RXRA: variants seen among roughly 807,000 people sequenced by gnomAD.
RXRA encodes the protein retinoic acid receptor RXR-alpha.
A neutral mutation model predicts 44.5 loss-of-function variants in RXRA; 5 were observed. The ratio of observed to expected loss-of-function variants is 0.11; its 90% CI spans 0.06 to 0.24. The LOEUF (loss-of-function observed/expected upper bound fraction) is 0.24. Ranked by LOEUF, RXRA falls within the 10% of genes least tolerant of loss-of-function variation. RXRA has a pLI of 1.00. For missense variants in RXRA, 412 were observed against 646.5 expected (o/e 0.64, Z 3.93); for synonymous variants, 291 against 271.4 (o/e 1.07, Z -0.71).
At chr9:134,388,282 AGTGT>A (rs766270667) in intron 1 of RXRA, among the ~76,000 whole-genome samples, 3 of 17,874 alleles carry the variant, frequency 1.7e-4, no homozygotes. Context: ...AGCTAGAAGC[AGTGT>A]GTGTGTGAGT....
At chr9:134,434,967 C>T (rs1831593606) in intron 9 of RXRA, among the ~76,000 whole-genome samples, 1 of 152,212 alleles carries the variant, frequency 6.6e-6, no homozygotes, top group Non-Finnish European at 1.5e-5. Context: ...GCCTGCCCAG[C>T]CCTCATCTGG....
intron 1 of RXRA, among the ~76,000 whole-genome samples, chr9:134,396,764 C>T (rs1052581902): frequency 6.6e-6 from 1 of 152,234 alleles, no homozygotes; most frequent in East Asian, 1.9e-4. Context: ...CGCTGGGCTT[C>T]CTGGGGCGCC....
chr9:134,389,067 G>A lies in RXRA; in HGVS notation c.29-12565G>A, dbSNP rs961577063. 5.3e-5 allele frequency among the ~76,000 whole-genome samples: 8 copies of A among 152,328 alleles called. No individual in the cohort carries two copies. In the East Asian group the frequency reaches 1.5e-3, roughly 29 times the overall value. On this transcript the variant is annotated intron_variant, in intron 1 of 9. Coordinates refer to ENST00000481739, the MANE Select transcript of RXRA (RefSeq NM_002957.6). ...CTGCCAAGCTCTGGTCCTCCAAGGA[G>A]GGGTTTGGTCTCCTGGGTCCTCCTC...
At chr9:134,338,021 C>G (rs1409158015) in intron 1 of RXRA, among the ~76,000 whole-genome samples, 4 of 152,208 alleles carry the variant, frequency 2.6e-5, no homozygotes, top group Admixed American at 2.6e-4. Flanking sequence ...ACAGGCAGGT[C>G]CTTGCCCTCG....
At position 134,380,307 on chromosome 9, in the gene RXRA, C is replaced by T. The variant is rs569421818; in HGVS notation, c.29-21325C>T. 4.8e-5 allele frequency: 28 copies of T among 588,260 alleles called. No individual in the cohort carries two copies. In the African/African-American group the frequency reaches 5.4e-4, roughly 11 times the overall value. The allele number at this position is 588,260 out of a possible 1,614,324, so 36.4% of individuals were successfully genotyped here. ...TGAGGCTGGCCTGCCCGTGGCTTGG[C>T]CTGGGGGCAGGGGTAGGGTGGGGTC... On this transcript the variant is annotated intron_variant, in intron 1 of 9. Transcript: ENST00000481739.
chr9:134,380,756 C>T (rs1442860004), intron 1 of RXRA, among the ~76,000 whole-genome samples: 1 of 152,088 alleles, frequency 6.6e-6, no homozygotes, highest in East Asian at 1.9e-4. Context: ...TTCCAGTTCC[C>T]CGGCACCTGG....
intron 4 of RXRA, 22 bp downstream of exon 4, chr9:134,409,141 G>A (rs1831106120): frequency 2.6e-6 from 4 of 1,523,752 alleles, no homozygotes; most frequent in East Asian, 2.4e-5. Context: ...CGTCGGGTGG[G>A]GGCGCGGGCA....
chr9:134,422,709 A>G (rs1054724366), intron 6 of RXRA: 59 of 984,776 alleles, frequency 6.0e-5, no homozygotes, highest in Non-Finnish European at 6.5e-5. Context: ...CCTCCTATGT[A>G]CTCTATGGGA....
intron 1 of RXRA, among the ~76,000 whole-genome samples, chr9:134,364,435 C>A (rs1830389685): frequency 6.6e-6 from 1 of 152,226 alleles, no homozygotes; most frequent in South Asian, 2.1e-4. Context: ...TCTTTGGGAA[C>A]AATGTCAACA....
At chr9:134,369,130 T>TTG (rs140522363) in intron 1 of RXRA, among the ~76,000 whole-genome samples, 4,049 of 21,830 alleles carry the variant, frequency 0.19, 626 homozygotes, top group African/African-American at 0.23. Context: ...AGTGCAGGGG[T>TTG]TGTGTGTGGG....
At chr9:134,387,374 C>T (rs918124928) in intron 1 of RXRA, among the ~76,000 whole-genome samples, 3 of 152,232 alleles carry the variant, frequency 2.0e-5, no homozygotes, top group Non-Finnish European at 4.4e-5. Flanking sequence ...GGCTCAGTGC[C>T]GTGGAGTAAC....
At chr9:134,409,175 C>A (rs1012803171) in intron 4 of RXRA, 56 bp downstream of exon 4, 1 of 1,459,560 alleles carries the variant, frequency 6.9e-7, no homozygotes, top group Non-Finnish European at 9.2e-7. Context: ...CAGTGGGGCC[C>A]GGGCTTGTGC....
In RXRA at chr9:134,342,086, TGAG is replaced by T. The variant is rs1211117135; in HGVS notation, c.28+15432_28+15434del. 1.3e-5 allele frequency among the ~76,000 whole-genome samples: 2 copies of T among 152,012 alleles called. No individual in the cohort carries two copies. Among genetic ancestry groups the T allele is most frequent in the African/African-American group, 4.8e-5 (2 of 41,382 alleles). ...GGCTGGGGGACATGAAGACCCCGAA[TGAG>T]GAGGCGTCTCCCTGAAGGCGCTCTG... On this transcript the variant is annotated intron_variant, in intron 1 of 9. Coordinates refer to ENST00000481739, the MANE Select transcript of RXRA (RefSeq NM_002957.6). This position sits in a 1 kb window ranked among gnomAD's most constrained non-coding sequence, Gnocchi z 4.4.
intron 1 of RXRA, among the ~76,000 whole-genome samples, chr9:134,396,675 G>A (rs1830884407): frequency 6.6e-6 from 1 of 152,036 alleles, no homozygotes; most frequent in South Asian, 2.1e-4. Flanking sequence ...CCTTTCCTTT[G>A]CACCATCCTG....
At position 134,417,285 on chromosome 9, in the gene RXRA, C is replaced by G. The variant is rs534356986; in HGVS notation, c.738C>G (p.Thr246=). ...LEAELAVEPK[T]ETYVEANMGL... ...CTGAGCTGGCCGTGGAGCCCAAGAC[C>G]GAGACCTACGTGGAGGCAAACATGG... Residue 246 remains threonine (T), a synonymous_variant, in exon 5 of 10, where the codon ACC becomes ACG. Coordinates refer to ENST00000481739, the MANE Select transcript of RXRA (RefSeq NM_002957.6). The surrounding 1 kb of genome is among the most constrained non-coding windows in gnomAD (Gnocchi z 6.1). The G allele has an allele frequency of 3.1e-6, 5 of 1,613,742 alleles. No homozygotes were observed. Among genetic ancestry groups the G allele is most frequent in the African/African-American group, 2.7e-5 (2 of 74,930 alleles).
At chr9:134,378,149 G>A (rs1830586559) in intron 1 of RXRA, among the ~76,000 whole-genome samples, 1 of 152,248 alleles carries the variant, frequency 6.6e-6, no homozygotes. Context: ...TTCTGGGCAG[G>A]GCCGGGGCAG....
intron 6 of RXRA, chr9:134,423,137 C>T (rs1044617830): frequency 9.1e-6 from 9 of 985,330 alleles, no homozygotes; most frequent in Middle Eastern, 5.2e-4. Flanking sequence ...GTGTGAGGGG[C>T]GTGCTGACTG....
chr9:134,398,566 G>A (rs1434899813), intron 1 of RXRA, among the ~76,000 whole-genome samples: 1 of 152,168 alleles, frequency 6.6e-6, no homozygotes, highest in East Asian at 1.9e-4. Flanking sequence ...CTGGGAGCAG[G>A]GCCCAGGGGC....
intron 1 of RXRA, among the ~76,000 whole-genome samples, chr9:134,327,718 A>G (rs1238803711): frequency 2.0e-5 from 3 of 151,956 alleles, no homozygotes; most frequent in African/African-American, 7.2e-5. Context: ...AGCTGCAGGG[A>G]TGTTTAGTGA....
Sources: gnomAD v4.1 joint callset for allele counts (sites outside exome capture counted in the v4.1 genomes callset) on GRCh38, gnomAD v4.1.1 for gene constraint, Gnocchi (gnomAD v3.1) non-coding constraint, MANE v1.5 for transcripts, NCBI Gene and HGNC (gene_info 2026-07-23, HGNC 2026-07-21) for gene names.